GLI2: variants seen among roughly 807,000 people sequenced by gnomAD.
GLI2 encodes the protein GLI family zinc finger 2.
Under a neutral mutation model 78.9 loss-of-function variants are expected in GLI2, and 22 were observed. That is an observed-to-expected ratio of 0.28 (90% CI 0.20 to 0.40). The LOEUF (loss-of-function observed/expected upper bound fraction) is 0.40. Ranked by LOEUF, GLI2 falls within the 10% of genes least tolerant of loss-of-function variation. GLI2 has a pLI of 1.00. For synonymous variants in GLI2, 974 were observed against 963.7 expected, an observed-to-expected ratio of 1.01 and a Z score of -0.20; for missense variants, 2,097 against 2,213.2, an observed-to-expected ratio of 0.95 and a Z score of 1.05.
chr2:120,970,728 G>T (rs1301166908), intron 7 of GLI2, 122 bp downstream of exon 7: 6 of 840,632 alleles, frequency 7.1e-6, no homozygotes, highest in East Asian at 2.7e-5. Flanking sequence ...GGCCGCTAGG[G>T]TGCCTTCTGG....
intron 2 of GLI2, among the ~76,000 whole-genome samples, chr2:120,807,037 A>G (rs1034662126): frequency 2.6e-5 from 4 of 152,352 alleles, no homozygotes; most frequent in Admixed American, 2.0e-4. Context: ...TGCTGTGTAC[A>G]GCCCTGTGAC....
chr2:120,896,057 G>T (rs2104764666), intron 2 of GLI2, among the ~76,000 whole-genome samples: 1 of 152,292 alleles, frequency 6.6e-6, no homozygotes, highest in East Asian at 1.9e-4. Context: ...CTGTGTGAAG[G>T]TTCTAGGGTT....
At chr2:120,847,927 T>C (rs1426582408) in intron 2 of GLI2, among the ~76,000 whole-genome samples, 1 of 151,722 alleles carries the variant, frequency 6.6e-6, no homozygotes, top group Non-Finnish European at 1.5e-5. Flanking sequence ...GGGGAGGGGG[T>C]GCAGCAGATG....
intron 2 of GLI2, among the ~76,000 whole-genome samples, chr2:120,894,835 A>T (rs1457385154): frequency 2.6e-5 from 4 of 152,064 alleles, no homozygotes; most frequent in Non-Finnish European, 4.4e-5. Flanking sequence ...AGTAGCTGGG[A>T]CTACAGGCGC....
intron 1 of GLI2, among the ~76,000 whole-genome samples, chr2:120,772,484 A>G (rs910159459): frequency 2.0e-5 from 3 of 152,194 alleles, no homozygotes; most frequent in African/African-American, 4.8e-5. Context: ...AGCATCATCA[A>G]TGGCAGAGGG....
chr2:120,736,713 A>T (rs1395760295), intron 1 of GLI2, among the ~76,000 whole-genome samples: 1 of 151,868 alleles, frequency 6.6e-6, no homozygotes, highest in Non-Finnish European at 1.5e-5. Flanking sequence ...CTGCGGGCGT[A>T]CTGAGCGCGG....
rs1684655842 is a variant in GLI2 at position 120,800,582 on chromosome 2, T to C, written c.148+3114T>C. On this transcript the variant is annotated intron_variant, in intron 2 of 13. Transcript: ENST00000361492. The surrounding 1 kb of genome is among the most constrained non-coding windows in gnomAD (Gnocchi z 4.1). ...GTGCAGTGGCACGATCTCAGCTCACTGCCAGCTCCGCCTCCCAGGTTCACG... is the reference window on the plus strand; with the variant it reads ...GTGCAGTGGCACGATCTCAGCTCACCGCCAGCTCCGCCTCCCAGGTTCACG... 6.6e-6 allele frequency among the ~76,000 whole-genome samples: 1 copy of C among 152,062 alleles called. No individual in the cohort carries two copies. Among genetic ancestry groups the C allele is most frequent in the South Asian group, 2.1e-4 (1 of 4,812 alleles).
At chr2:120,805,697 C>T (rs549883121) in intron 2 of GLI2, among the ~76,000 whole-genome samples, 2 of 152,308 alleles carry the variant, frequency 1.3e-5, no homozygotes, top group South Asian at 4.1e-4. Context: ...AGCTGTCCCT[C>T]AACCTGGCCC....
At position 120,968,774 on chromosome 2, in the gene GLI2, T is replaced by A; in HGVS notation, c.704T>A (p.Ile235Asn). ...PRLSRKRALS[I>N]SPLSDASLDL... ...CTGAGCCGCAAGCGGGCGCTGTCCA[T>A]CTCCCCACTCTCAGACGCCAGCCTG... The change falls in exon 6 of 14, where the codon ATC becomes AAC. Residue 235 changes from isoleucine to asparagine, a missense_variant. Ile to Asn is a moderately radical substitution (Grantham distance 149). Around this residue, in one of 5 missense-constraint regions of GLI2, gnomAD observed 578 missense variants for 612.0 expected, o/e 0.94. Transcript: ENST00000361492. 1 of 1,613,522 alleles carries A rather than the reference T, an allele frequency of 6.2e-7. No homozygotes were observed. Among genetic ancestry groups the A allele is most frequent in the Non-Finnish European group, 8.5e-7 (1 of 1,179,902 alleles).
intron 2 of GLI2, among the ~76,000 whole-genome samples, chr2:120,828,267 C>T (rs977932470): frequency 1.9e-4 from 29 of 152,196 alleles, no homozygotes; most frequent in African/African-American, 6.8e-4. Flanking sequence ...AGGAAACGTT[C>T]GTTAGTTCTC....
At chr2:120,787,491 C>G (rs1184516919) in intron 1 of GLI2, among the ~76,000 whole-genome samples, 3 of 152,164 alleles carry the variant, frequency 2.0e-5, no homozygotes, top group African/African-American at 7.2e-5. Flanking sequence ...CTCCCGTGTG[C>G]CAGGCTACTG....
At chr2:120,758,080 C>T (rs181831103) in intron 1 of GLI2, among the ~76,000 whole-genome samples, 309 of 152,224 alleles carry the variant, frequency 2.0e-3, no homozygotes, top group African/African-American at 6.9e-3. Context: ...TAAGACCTGA[C>T]GGGAGAGGCT....
chr2:120,982,101 G>T (rs1682741953), intron 10 of GLI2, among the ~76,000 whole-genome samples: 3 of 152,186 alleles, frequency 2.0e-5, no homozygotes, highest in Admixed American at 6.5e-5. Flanking sequence ...AGGGACCTGG[G>T]CCAGGAACCG....
At chr2:120,764,324 G>T (rs944364340) in intron 1 of GLI2, among the ~76,000 whole-genome samples, 1 of 152,270 alleles carries the variant, frequency 6.6e-6, no homozygotes, top group African/African-American at 2.4e-5. Flanking sequence ...CCTCCAGGCG[G>T]TCAGGAGCAG....
intron 2 of GLI2, among the ~76,000 whole-genome samples, chr2:120,846,887 G>A (rs549862597): frequency 6.6e-6 from 1 of 152,352 alleles, no homozygotes; most frequent in African/African-American, 2.4e-5. Context: ...TTCAGCCCAG[G>A]CCTTGCACAG....
At chr2:120,919,288 T>C (rs540351819) in intron 2 of GLI2, among the ~76,000 whole-genome samples, 6 of 152,334 alleles carry the variant, frequency 3.9e-5, no homozygotes, top group African/African-American at 1.4e-4. Flanking sequence ...AAGTCCCCCA[T>C]AGTGGGAACA....
At chr2:120,985,554 C>T (rs1390155881) in intron 12 of GLI2, among the ~76,000 whole-genome samples, 1 of 152,174 alleles carries the variant, frequency 6.6e-6, no homozygotes, top group African/African-American at 2.4e-5. Flanking sequence ...AGCCTGTGTC[C>T]TCATGGGAAG....
intron 10 of GLI2, among the ~76,000 whole-genome samples, chr2:120,982,323 T>G (rs887176530): frequency 1.3e-5 from 2 of 152,234 alleles, no homozygotes; most frequent in Non-Finnish European, 1.5e-5. Flanking sequence ...CCGAGAGTGG[T>G]ACTGGGAAAC....
At chr2:120,932,561 C>T (rs1679995533) in intron 3 of GLI2, among the ~76,000 whole-genome samples, 1 of 152,212 alleles carries the variant, frequency 6.6e-6, no homozygotes, top group Non-Finnish European at 1.5e-5. Flanking sequence ...GGACCCATTG[C>T]CGAACCCTCC....
Sources: gnomAD v4.1 joint callset for allele counts (sites outside exome capture counted in the v4.1 genomes callset) on GRCh38, gnomAD v4.1.1 for gene constraint, gnomAD v4.1.1 regional missense constraint, Gnocchi (gnomAD v3.1) non-coding constraint, MANE v1.5 for transcripts, NCBI Gene and HGNC (gene_info 2026-07-23, HGNC 2026-07-21) for gene names.